MYO16: variants seen among roughly 807,000 people sequenced by gnomAD.
MYO16 encodes the protein myosin XVI.
MYO16 carries 94 observed loss-of-function variants against 205.3 expected under a neutral mutation model. The observed-to-expected ratio is 0.46, with a 90% confidence interval of 0.39 to 0.54. The LOEUF (loss-of-function observed/expected upper bound fraction) is 0.54. Among genes scored for constraint, MYO16 ranks in the 20% least tolerant of loss-of-function variants. The pLI is 0.00. For synonymous variants in MYO16, 988 were observed against 954.0 expected, an observed-to-expected ratio of 1.04 and a Z score of -0.66; for missense variants, 2,315 against 2,387.5, an observed-to-expected ratio of 0.97 and a Z score of 0.63.
the MYO16 span, among the ~76,000 whole-genome samples, chr13:108,502,394 A>T: frequency 2.6e-5 from 4 of 152,218 alleles, no homozygotes; most frequent in South Asian, 8.3e-4. Flanking sequence ...TAATGTAAGT[A>T]AAGTTAATTC....
At chr13:109,074,480 G>T (rs1369421790) in intron 27 of MYO16, among the ~76,000 whole-genome samples, 1 of 152,138 alleles carries the variant, frequency 6.6e-6, no homozygotes, top group Non-Finnish European at 1.5e-5. Flanking sequence ...CTTATGTGGT[G>T]GCAGGAGACA....
At chr13:108,860,071 C>A (rs544240564) in intron 11 of MYO16, among the ~76,000 whole-genome samples, 2 of 151,692 alleles carry the variant, frequency 1.3e-5, no homozygotes, top group African/African-American at 2.4e-5. Flanking sequence ...CAGGTAAACA[C>A]GTGTCATAGA....
Position 109,024,460 on chromosome 13 carries a change from A to C in MYO16, c.2796+4549A>C, listed in dbSNP as rs188974934. Among the ~76,000 whole-genome samples the C allele has an allele frequency of 3.7e-4, 56 of 152,166 alleles. No individual in the cohort carries two copies. The East Asian group carries it at 9.2e-3, about 25-fold the overall frequency. On this transcript the variant is annotated intron_variant, in intron 23 of 34. Transcript: ENST00000457511. ...ATGTGCTTTGGAATAATAGTTTTTA[A>C]ATCATTTTATGTTCAGTTTAAAAAA...
intron 16 of MYO16, among the ~76,000 whole-genome samples, chr13:108,942,459 A>G (rs1418582309): frequency 6.6e-6 from 1 of 152,196 alleles, no homozygotes; most frequent in Non-Finnish European, 1.5e-5. Flanking sequence ...AGAGTTTCTG[A>G]TCAAGTCAAT....
intron 31 of MYO16, among the ~76,000 whole-genome samples, chr13:109,136,058 C>CTTCCTTCCTTCCTTCCTTCT (rs1167393273): frequency 1.4e-5 from 2 of 147,878 alleles, no homozygotes; most frequent in African/African-American, 4.9e-5. Flanking sequence ...TTTCTTTCTC[C>CTTCCTTCCTTCCTTCCTTCT]TTCCTTCCTT....
intron 11 of MYO16, among the ~76,000 whole-genome samples, chr13:108,864,800 A>G (rs1175668231): frequency 2.0e-5 from 3 of 152,096 alleles, no homozygotes; most frequent in Non-Finnish European, 4.4e-5. Context: ...ATCCTCCCAA[A>G]GTGCTGGGAT....
At position 108,840,838 on chromosome 13, in the gene MYO16, C is replaced by A. The variant is rs180829711; in HGVS notation, c.1098-3505C>A. On this transcript the variant is annotated intron_variant, in intron 9 of 34. Coordinates refer to ENST00000457511, the MANE Select transcript of MYO16 (RefSeq NM_001198950.3). ...CTTAAAACCATAAAACAGAATAAAT[C>A]TAAAAATTATTTGGAAGATTTTCAT... 5.6e-3 allele frequency among the ~76,000 whole-genome samples: 859 copies of A among 152,240 alleles called. 10 individuals are homozygous for A. The highest frequency in any genetic ancestry group is 0.02 in the African/African-American group (819 of 41,536).
chr13:108,814,370 TC>T (rs1887385593), intron 7 of MYO16, among the ~76,000 whole-genome samples: 1 of 152,132 alleles, frequency 6.6e-6, no homozygotes, highest in African/African-American at 2.4e-5. Context: ...CTCTTTCCCT[TC>T]CTTCCTCCTG....
chr13:108,779,979 G>C (rs189315774), intron 4 of MYO16: 1 of 152,274 alleles, frequency 6.6e-6, no homozygotes, highest in East Asian at 1.9e-4. Context: ...CAAGTTTCAG[G>C]CTTTCTGACA....
chr13:108,699,131 T>C (rs1216655187), intron 2 of MYO16, among the ~76,000 whole-genome samples: 1 of 148,106 alleles, frequency 6.8e-6, no homozygotes, highest in Non-Finnish European at 1.5e-5. Context: ...TATATACACA[T>C]ATATATAGTT....
rs1295967513 is a variant in MYO16 at position 108,808,035 on chromosome 13, A to G, written c.867+1231A>G. ...AATCAGTTTTTCCTGACTCATAAGG[A>G]GAATCTAGATATTTATTTTCCACAT... On this transcript the variant is annotated intron_variant, in intron 7 of 34. Transcript: ENST00000457511. 3.9e-5 allele frequency among the ~76,000 whole-genome samples: 6 copies of G among 152,156 alleles called. No individual in the cohort carries two copies. The South Asian group carries it at 1.2e-3, about 32-fold the overall frequency.
At chr13:108,531,199 A>G in the MYO16 span, among the ~76,000 whole-genome samples, 1 of 152,202 alleles carries the variant, frequency 6.6e-6, no homozygotes, top group African/African-American at 2.4e-5. Context: ...CCGAGGTCAG[A>G]GTATGCAGGG....
the MYO16 span, among the ~76,000 whole-genome samples, chr13:108,573,460 T>C: frequency 6.6e-6 from 1 of 152,260 alleles, no homozygotes; most frequent in Non-Finnish European, 1.5e-5. Context: ...AATTTGCATA[T>C]GCAACATTTA....
chr13:108,836,206 C>T (rs1876908957), intron 9 of MYO16, among the ~76,000 whole-genome samples: 1 of 152,166 alleles, frequency 6.6e-6, no homozygotes, highest in African/African-American at 2.4e-5. Flanking sequence ...TCAAAGGGGC[C>T]AAAGTATAGC....
chr13:108,870,989 T>G (rs1047729031), intron 12 of MYO16, among the ~76,000 whole-genome samples: 1 of 152,120 alleles, frequency 6.6e-6, no homozygotes, highest in Non-Finnish European at 1.5e-5. Flanking sequence ...AAAATATATA[T>G]GTATATATGT....
intron 19 of MYO16, among the ~76,000 whole-genome samples, chr13:108,964,095 C>T (rs1883696511): frequency 6.6e-6 from 1 of 152,226 alleles, no homozygotes; most frequent in South Asian, 2.1e-4. Context: ...ACGCAATGGT[C>T]AGCAAGTTTG....
chr13:108,620,465 CA>C (rs1235373705), intron 1 of MYO16, among the ~76,000 whole-genome samples: 3 of 152,140 alleles, frequency 2.0e-5, no homozygotes, highest in Non-Finnish European at 2.9e-5. Flanking sequence ...TTACTGTTTT[CA>C]GGCATCCCAG....
the MYO16 span, among the ~76,000 whole-genome samples, chr13:108,516,648 C>T: frequency 6.6e-6 from 1 of 152,114 alleles, no homozygotes; most frequent in African/African-American, 2.4e-5. Context: ...TAAACCATTC[C>T]ACCATCCAGC....
chr13:109,142,109 A>G (rs1371046388), intron 32 of MYO16, among the ~76,000 whole-genome samples: 4 of 152,128 alleles, frequency 2.6e-5, no homozygotes, highest in Non-Finnish European at 4.4e-5. Context: ...GCAAAATAAG[A>G]TTTTCATGAC....
Sources: allele counts gnomAD v4.1 joint callset (sites outside exome capture counted in the v4.1 genomes callset), GRCh38; gene constraint gnomAD v4.1.1; transcripts MANE v1.5; gene names NCBI Gene and HGNC (gene_info 2026-07-23, HGNC 2026-07-21).